Variants in ERC1 observed in about 807,000 individuals in gnomAD.
ERC1 encodes the protein RAB6 interacting protein 2.
Under a neutral mutation model 132.0 loss-of-function variants are expected in ERC1, and 56 were observed. The observed-to-expected ratio is 0.42, with a 90% CI of 0.34 to 0.53. The LOEUF (loss-of-function observed/expected upper bound fraction) is 0.53. ERC1 is among the 20% of genes least tolerant of loss of function. The probability of loss-of-function intolerance (pLI) is 0.03; values close to 1 mark genes in which losing one functional copy is unlikely to be tolerated. For synonymous variants in ERC1, 478 were observed against 476.1 expected, an observed-to-expected ratio of 1.00 and a Z score of -0.05; for missense variants, 1,202 against 1,349.9, an observed-to-expected ratio of 0.89 and a Z score of 1.72.
intron 15 of ERC1, among the ~76,000 whole-genome samples, chr12:1,329,307 A>T (rs2082699381): frequency 6.8e-6 from 1 of 146,020 alleles, no homozygotes; most frequent in South Asian, 2.2e-4. Context: ...AAAAAAAAAA[A>T]GAAAGAAAAG....
chr12:991,982 T>C, intron 1 of ERC1, among the ~76,000 whole-genome samples: 1 of 60,366 alleles, frequency 1.7e-5, no homozygotes, highest in Non-Finnish European at 3.2e-5. Context: ...TCTGGCGGGG[T>C]GGGTGGGGGG....
intron 4 of ERC1, among the ~76,000 whole-genome samples, chr12:1,105,656 C>T (rs1186845150): frequency 6.6e-6 from 1 of 152,140 alleles, no homozygotes; most frequent in Non-Finnish European, 1.5e-5. Context: ...CGCACCTGGC[C>T]AAGATTTATT....
chr12:1,454,793 A>T (rs2093495617), intron 18 of ERC1, among the ~76,000 whole-genome samples: 1 of 152,248 alleles, frequency 6.6e-6, no homozygotes, highest in Admixed American at 6.5e-5. Flanking sequence ...TCCATAAACA[A>T]TGTACAATAC....
chr12:1,264,027 G>T (rs555970383), intron 14 of ERC1, among the ~76,000 whole-genome samples: 1 of 152,022 alleles, frequency 6.6e-6, no homozygotes, highest in African/African-American at 2.4e-5. Flanking sequence ...ACTGAAAAAC[G>T]TTAATTTCAA....
chr12:1,414,027 C>T (rs1257466813), intron 17 of ERC1, among the ~76,000 whole-genome samples: 3 of 152,116 alleles, frequency 2.0e-5, no homozygotes. Context: ...AACCTAGATC[C>T]CTCCCATGCC....
intron 4 of ERC1, among the ~76,000 whole-genome samples, chr12:1,109,699 T>C (rs1256373798): frequency 1.3e-5 from 2 of 152,216 alleles, no homozygotes; most frequent in Non-Finnish European, 2.9e-5. Flanking sequence ...AAAATCATAC[T>C]GTGGATATGA....
At position 1,133,159 on chromosome 12, in the gene ERC1, G is replaced by GTT. The variant is rs34017253; in HGVS notation, c.1570-8453_1570-8452dup. Among the ~76,000 whole-genome samples the GTT allele has an allele frequency of 1.6e-3, 238 of 149,996 alleles. 1 individual carries two copies. The highest frequency in any genetic ancestry group is 0.016 in the East Asian group (80 of 5,130). On this transcript the variant is annotated intron_variant, in intron 7 of 18. Coordinates refer to ENST00000360905, the MANE Select transcript of ERC1 (RefSeq NM_178040.4). ...AGGTGTGAGCCACCACACCTGGCCG[G>GTT]TTTTTTTTTGTTTGTTTGTTTTTAA...
chr12:1,157,902 A>G (rs890254230), intron 8 of ERC1, among the ~76,000 whole-genome samples: 6 of 152,344 alleles, frequency 3.9e-5, no homozygotes, highest in African/African-American at 1.4e-4. Flanking sequence ...CATTAACTCA[A>G]TCAGCAGATA....
intron 16 of ERC1, among the ~76,000 whole-genome samples, chr12:1,394,196 C>T (rs7301106): frequency 0.51 from 76,526 of 149,372 alleles, 22,165 homozygotes; most frequent in African/African-American, 0.81. Flanking sequence ...GTCAGGAGAT[C>T]GAGACCATCC....
chr12:1,024,921 A>G (rs966728324), intron 1 of ERC1, among the ~76,000 whole-genome samples: 3 of 151,192 alleles, frequency 2.0e-5, no homozygotes. Flanking sequence ...CACAATAAGT[A>G]TAACAACGAT....
At chr12:1,262,076 A>G (rs972547818) in intron 13 of ERC1, among the ~76,000 whole-genome samples, 2 of 152,196 alleles carry the variant, frequency 1.3e-5, no homozygotes, top group African/African-American at 4.8e-5. Context: ...AAATTCTTGG[A>G]TATCTTTTCC....
chr12:1,391,818 G>A (rs528752385), intron 16 of ERC1, among the ~76,000 whole-genome samples: 1 of 152,208 alleles, frequency 6.6e-6, no homozygotes, highest in African/African-American at 2.4e-5. Context: ...GTGGGCTCCT[G>A]TTGAAGCTTT....
intron 13 of ERC1, among the ~76,000 whole-genome samples, chr12:1,252,856 A>ATGAATTC (rs1291619119): frequency 1.3e-5 from 2 of 152,194 alleles, no homozygotes; most frequent in African/African-American, 4.8e-5. Flanking sequence ...AAGTTGGTAA[A>ATGAATTC]TGAATTCTGA....
At chr12:1,269,063 T>G (rs1165168186) in intron 14 of ERC1, among the ~76,000 whole-genome samples, 1 of 152,264 alleles carries the variant, frequency 6.6e-6, no homozygotes, top group Non-Finnish European at 1.5e-5. Flanking sequence ...ATTAGTTTAC[T>G]TGCTCATTTA....
chr12:1,057,844 T>G (rs1246084925), intron 2 of ERC1, among the ~76,000 whole-genome samples: 1 of 152,114 alleles, frequency 6.6e-6, no homozygotes, highest in Non-Finnish European at 1.5e-5. Context: ...TCCACCTGCC[T>G]CGGCCTCCCA....
chr12:1,431,770 C>G (rs1045845391), intron 17 of ERC1, among the ~76,000 whole-genome samples: 2 of 152,104 alleles, frequency 1.3e-5, no homozygotes, highest in African/African-American at 2.4e-5. Flanking sequence ...TTACAATAAT[C>G]TGTTGGAAAA....
At chr12:1,152,625 G>A (rs1051139034) in intron 8 of ERC1, 1 of 152,796 alleles carries the variant, frequency 6.5e-6, no homozygotes, top group South Asian at 2.1e-4. Context: ...AGAGCACTGG[G>A]ATAGAGATAC....
At chr12:1,056,058 C>T (rs1424183780) in intron 2 of ERC1, among the ~76,000 whole-genome samples, 1 of 141,232 alleles carries the variant, frequency 7.1e-6, no homozygotes, top group African/African-American at 2.7e-5. Flanking sequence ...TTAATTGTTA[C>T]TTTTATTGTA....
Position 1,491,348 on chromosome 12 carries a change from A to G in ERC1, c.*1118A>G, listed in dbSNP as rs2094316843. ...CGTGCATTGCCTGGAACCTTCTTCT[A>G]GCATAAATGAAGGTTTTTCCTCCTA... On this transcript the variant is annotated 3_prime_UTR_variant, in exon 19 of 19. Transcript: ENST00000360905. The G allele has an allele frequency of 4.3e-6, 1 of 231,162 alleles. No individual in the cohort carries two copies. Among genetic ancestry groups the G allele is most frequent in the South Asian group, 1.8e-4 (1 of 5,518 alleles). 14.3% of individuals were successfully genotyped at this position (231,162 alleles called of 1,614,324 possible).
Sources: gnomAD v4.1 joint callset for allele counts (sites outside exome capture counted in the v4.1 genomes callset) on GRCh38, gnomAD v4.1.1 for gene constraint, MANE v1.5 for transcripts, NCBI Gene and HGNC (gene_info 2026-07-23, HGNC 2026-07-21) for gene names.